Variants in COPG2 observed in about 807,000 individuals in gnomAD.
COPG2 encodes the protein coatomer subunit gamma-2.
A neutral mutation model predicts 46.3 loss-of-function variants in COPG2; 37 were observed. The observed-to-expected ratio is 0.80, with a 90% CI of 0.61 to 1.05. The LOEUF is 1.05. Ranked by LOEUF, COPG2 falls within the 50% of genes least tolerant of loss-of-function variation. The pLI is 0.00. For missense variants in COPG2, 427 were observed against 387.8 expected, an observed-to-expected ratio of 1.10 and a Z score of -0.85; for synonymous variants, 159 against 129.7, an observed-to-expected ratio of 1.23 and a Z score of -1.53.
intron 20 of COPG2, among the ~76,000 whole-genome samples, chr7:130,513,628 G>C (rs1313560150): frequency 6.6e-6 from 1 of 151,986 alleles, no homozygotes; most frequent in Non-Finnish European, 1.5e-5. Flanking sequence ...GAAGCAACAA[G>C]TGTGACCAAT....
At chr7:130,598,316 G>A (rs905566587) in intron 9 of COPG2, among the ~76,000 whole-genome samples, 14 of 152,196 alleles carry the variant, frequency 9.2e-5, no homozygotes, top group Admixed American at 2.6e-4. Context: ...AATTAAGGGA[G>A]CTAGAGGTAG....
chr7:130,631,653 T>C (rs1554455211), intron 5 of COPG2, among the ~76,000 whole-genome samples: 1 of 152,354 alleles, frequency 6.6e-6, no homozygotes, highest in East Asian at 1.9e-4. Flanking sequence ...GATACAAACT[T>C]TATAGTAATA....
At chr7:130,513,857 A>G (rs1228172178) in intron 20 of COPG2, among the ~76,000 whole-genome samples, 1 of 152,194 alleles carries the variant, frequency 6.6e-6, no homozygotes, top group Non-Finnish European at 1.5e-5. Context: ...TGGGGAAAAT[A>G]GTGGAAGAGC....
chr7:130,630,001 T>C lies in COPG2; in HGVS notation c.324-12936A>G, dbSNP rs574983186. Among the ~76,000 whole-genome samples the C allele has an allele frequency of 1.3e-4, 19 of 151,576 alleles. No individual in the cohort carries two copies. The South Asian group carries it at 4.0e-3, about 32-fold the overall frequency. ...GGCGCAATCTCGGCTCACTGCAACC[T>C]CTGCCTCCCGGGTTCAAGTGATTCT... is the stretch of plus-strand genomic sequence containing the variant. On this transcript the variant is annotated intron_variant, in intron 5 of 23. Transcript: ENST00000425248.
At chr7:130,516,950 G>C (rs1175597992) in intron 20 of COPG2, among the ~76,000 whole-genome samples, 1 of 152,216 alleles carries the variant, frequency 6.6e-6, no homozygotes, top group Non-Finnish European at 1.5e-5. Context: ...ATGTGGCACA[G>C]GGCAGAGGGC....
chr7:130,543,202 G>A (rs36165261), intron 20 of COPG2, among the ~76,000 whole-genome samples: 29,440 of 152,094 alleles, frequency 0.19, 3,034 homozygotes, highest in Middle Eastern at 0.25. Context: ...GTTTAATGTG[G>A]TCTCCAACAA....
chr7:130,546,164 A>C (rs1793440099), intron 20 of COPG2, among the ~76,000 whole-genome samples: 1 of 152,168 alleles, frequency 6.6e-6, no homozygotes, highest in African/African-American at 2.4e-5. Flanking sequence ...AGCAGGAGGA[A>C]TTTTGAAACA....
At chr7:130,513,290 TAAAAA>T (rs1205677638) in intron 20 of COPG2, among the ~76,000 whole-genome samples, 69 of 20,260 alleles carry the variant, frequency 3.4e-3, no homozygotes, top group African/African-American at 6.5e-3. Flanking sequence ...TAATTCTGTC[TAAAAA>T]AAAAAAAAAA....
intron 20 of COPG2, among the ~76,000 whole-genome samples, chr7:130,515,839 G>A (rs1156834262): frequency 6.6e-6 from 1 of 151,926 alleles, no homozygotes; most frequent in Non-Finnish European, 1.5e-5. Flanking sequence ...GAGGAATACT[G>A]GGACAGGGAG....
intron 5 of COPG2, among the ~76,000 whole-genome samples, chr7:130,650,213 C>A (rs140071789): frequency 1.3e-5 from 2 of 152,258 alleles, no homozygotes; most frequent in East Asian, 1.9e-4. Context: ...AAAGGGCCCA[C>A]CTGAATGATC....
chr7:130,603,851 G>C (rs954948458), intron 9 of COPG2: 1 of 518,810 alleles, frequency 1.9e-6, no homozygotes, highest in African/African-American at 1.9e-5. Flanking sequence ...AAATTCACAT[G>C]TAACTTTTGA....
intron 5 of COPG2, among the ~76,000 whole-genome samples, chr7:130,638,246 G>C (rs1795384516): frequency 6.6e-6 from 1 of 152,102 alleles, no homozygotes; most frequent in African/African-American, 2.4e-5. Context: ...AGGAGAGCTT[G>C]AGCACTGTTC....
intron 20 of COPG2, chr7:130,509,661 G>A (rs1799564559): frequency 1.9e-6 from 1 of 518,256 alleles, no homozygotes; most frequent in Non-Finnish European, 3.9e-6. Context: ...AAAGGTATAA[G>A]CTTATGTGCC....
At chr7:130,615,258 G>A (rs1180513011) in intron 6 of COPG2, among the ~76,000 whole-genome samples, 3 of 152,230 alleles carry the variant, frequency 2.0e-5, no homozygotes, top group South Asian at 2.1e-4. Context: ...TAGCCACCAA[G>A]TGAACTGGAT....
chr7:130,534,829 GGGCCCTATCCAA>G (rs1249969439), intron 20 of COPG2, among the ~76,000 whole-genome samples: 146 of 152,210 alleles, frequency 9.6e-4, no homozygotes, highest in African/African-American at 3.1e-3. Context: ...GGGCTCACTG[GGGCCCTATCCAA>G]GGTAAATGGA....
intron 9 of COPG2, among the ~76,000 whole-genome samples, chr7:130,566,544 T>A (rs1260173270): frequency 1.3e-5 from 2 of 152,034 alleles, no homozygotes; most frequent in East Asian, 3.9e-4. Context: ...TGAGAGAGAG[T>A]TGGCGGCTCT....
intron 9 of COPG2, among the ~76,000 whole-genome samples, chr7:130,587,478 A>G (rs1335671812): frequency 6.6e-6 from 1 of 152,010 alleles, no homozygotes; most frequent in African/African-American, 2.4e-5. Context: ...TTGAATAAAA[A>G]TTTTAATTGT....
intron 12 of COPG2, among the ~76,000 whole-genome samples, chr7:130,560,445 C>A (rs1452589426): frequency 6.6e-6 from 1 of 152,136 alleles, no homozygotes; most frequent in Non-Finnish European, 1.5e-5. Flanking sequence ...CAATCCCAGT[C>A]ATAATCCTAG....
intron 5 of COPG2, among the ~76,000 whole-genome samples, chr7:130,626,049 A>G (rs782055883): frequency 6.6e-6 from 1 of 152,240 alleles, no homozygotes; most frequent in Non-Finnish European, 1.5e-5. Flanking sequence ...ATGCATAGTT[A>G]TCACATCAGG....
Sources: allele counts gnomAD v4.1 joint callset (sites outside exome capture counted in the v4.1 genomes callset), GRCh38; gene constraint gnomAD v4.1.1; transcripts MANE v1.5; gene names NCBI Gene and HGNC (gene_info 2026-07-23, HGNC 2026-07-21).